KIF13A: variants seen among roughly 807,000 people sequenced by gnomAD.
KIF13A encodes the protein kinesin-like protein KIF13A.
In KIF13A, 79 loss-of-function variants were observed where a neutral mutation model predicts 212.2. The observed-to-expected ratio is 0.37, with a 90% CI of 0.31 to 0.45. KIF13A has a LOEUF of 0.45. KIF13A is among the 20% of genes least tolerant of loss of function. The pLI, the probability that KIF13A is intolerant of heterozygous loss-of-function variation, is 1.00. For missense variants in KIF13A, 1,901 were observed against 2,209.0 expected, an observed-to-expected ratio of 0.86 and a Z score of 2.79; for synonymous variants, 789 against 808.6, an observed-to-expected ratio of 0.98 and a Z score of 0.41.
intron 2 of KIF13A, among the ~76,000 whole-genome samples, chr6:17,945,974 C>T (rs539278281): frequency 1.3e-4 from 19 of 151,800 alleles, no homozygotes; most frequent in East Asian, 7.7e-4. Context: ...CTTGATGGGG[C>T]GAAATTAATC....
chr6:17,833,226 G>A (rs763591911), intron 12 of KIF13A, among the ~76,000 whole-genome samples: 46 of 152,014 alleles, frequency 3.0e-4, no homozygotes, highest in Admixed American at 3.3e-4. Flanking sequence ...GAGGCACAGT[G>A]GCTCATGCCT....
rs1397278992 is a variant in KIF13A, at chr6:17,838,947, G to A, written c.831-1364C>T. On this transcript the variant is annotated intron_variant, in intron 9 of 38. Transcript: ENST00000259711. This position sits in a 1 kb window ranked among gnomAD's most constrained non-coding sequence, Gnocchi z 4.2. ...AGATTCTCCTGCCTCAGCCTCCTGAGTAGCTGGGATTACAGGCGCCCGCCA... is the reference window on the plus strand; with the variant it reads ...AGATTCTCCTGCCTCAGCCTCCTGAATAGCTGGGATTACAGGCGCCCGCCA... Among the ~76,000 whole-genome samples, 3 of 152,168 alleles carry A rather than the reference G, an allele frequency of 2.0e-5. No individual in the cohort carries two copies. The highest frequency in any genetic ancestry group is 7.2e-5 in the African/African-American group (3 of 41,444).
At position 17,850,414 on chromosome 6, in the gene KIF13A, A is replaced by G; in HGVS notation, c.626T>C (p.Val209Ala). 1 of 1,613,848 alleles carries G rather than the reference A, an allele frequency of 6.2e-7. No homozygotes were observed. The highest frequency in any genetic ancestry group is 8.5e-7 in the Non-Finnish European group (1 of 1,179,828). ...TTCTTCGTTCATGTTGGTAGCAGCT[A>G]CCGTTCGAGACTTATTTCCCTCAGA... ...LMSEGNKSRTVAATNMNEESS... is the reference protein window; with the variant it reads ...LMSEGNKSRTAAATNMNEESS... The change falls in exon 8 of 39, where the codon GTA (valine) becomes GCA (alanine). Residue 209 changes from valine (V) to alanine (A), a missense_variant. By Grantham distance (64) the Val-to-Ala change is moderately conservative. Around this residue, in one of 5 missense-constraint regions of KIF13A, gnomAD observed 506 missense variants for 637.4 expected, o/e 0.79. Coordinates refer to ENST00000259711, the MANE Select transcript of KIF13A (RefSeq NM_022113.6). The surrounding 1 kb of genome is among the most constrained non-coding windows in gnomAD (Gnocchi z 6.2).
chr6:17,802,554 T>C (rs1333924077), intron 20 of KIF13A, among the ~76,000 whole-genome samples: 1 of 151,926 alleles, frequency 6.6e-6, no homozygotes, highest in Non-Finnish European at 1.5e-5. Context: ...CCTCCCAAAG[T>C]GCTGGGATTA....
At chr6:17,806,700 T>C (rs1299886337) in intron 18 of KIF13A, among the ~76,000 whole-genome samples, 4 of 152,228 alleles carry the variant, frequency 2.6e-5, no homozygotes, top group Non-Finnish European at 5.9e-5. Context: ...ACTAACATGG[T>C]GAAACCCTGC....
At chr6:17,822,576 G>A (rs1246634253) in intron 16 of KIF13A, among the ~76,000 whole-genome samples, 3 of 152,108 alleles carry the variant, frequency 2.0e-5, no homozygotes, top group East Asian at 3.9e-4. Context: ...CTGTGATCTC[G>A]GAGGGCTAAA....
rs1774425216 is a variant in KIF13A at position 17,915,615 on chromosome 6, T to G, written c.147-17435A>C. Among the ~76,000 whole-genome samples the G allele has an allele frequency of 2.0e-5, 3 of 152,256 alleles. No individual in the cohort carries two copies. The South Asian group carries it at 6.2e-4, about 32-fold the overall frequency. On this transcript the variant is annotated intron_variant, in intron 2 of 38. Coordinates refer to ENST00000259711, the MANE Select transcript of KIF13A (RefSeq NM_022113.6). The surrounding 1 kb of genome is among the most constrained non-coding windows in gnomAD (Gnocchi z 4.4). Reference sequence around the variant, plus strand: ...GCCTACTGATTCTGTAGGACATCACTGCAGAACCATGTAGTTTCAATGTCA... The same window carrying G: ...GCCTACTGATTCTGTAGGACATCACGGCAGAACCATGTAGTTTCAATGTCA...
Position 17,785,430 on chromosome 6 carries a change from A to G in KIF13A, c.3488+85T>C, listed in dbSNP as rs188252067. ...CAGCTGGTTGGCATTTTCTGTGACA[A>G]TCCTGGAAAGTCTCTTGCATGGCTC... is the stretch of plus-strand genomic sequence containing the variant. On this transcript the variant is annotated intron_variant, in intron 28 of 38. Coordinates refer to ENST00000259711, the MANE Select transcript of KIF13A (RefSeq NM_022113.6). This position sits in a 1 kb window ranked among gnomAD's most constrained non-coding sequence, Gnocchi z 5.8. The G allele has an allele frequency of 3.2e-5, 45 of 1,389,552 alleles. 1 individual carries two copies. The African/African-American group carries it at 6.0e-4, about 19-fold the overall frequency. The allele number at this position is 1,389,552 out of a possible 1,614,324, so 86.1% of individuals were successfully genotyped here. A position where few individuals can be genotyped will look rare whatever the true frequency, so the allele number is the denominator to read the frequency against.
At position 17,853,837 on chromosome 6, in the gene KIF13A, G is replaced by A. The variant is rs139363977; in HGVS notation, c.494+1600C>T. Among the ~76,000 whole-genome samples, 299 of 152,170 alleles carry A rather than the reference G, an allele frequency of 2.0e-3. 2 individuals are homozygous for A. Among genetic ancestry groups the A allele is most frequent in the Middle Eastern group, 0.014 (4 of 294 alleles). ...CACAATAGTAGTTACCTTGGGGAGG[G>A]GTAGAAAATGGATCCAAGGGGAACG... On this transcript the variant is annotated intron_variant, in intron 6 of 38. Transcript: ENST00000259711.
In KIF13A at chr6:17,777,522, A is replaced by G; in HGVS notation, c.4093-168T>C. On this transcript the variant is annotated intron_variant, in intron 33 of 38. Coordinates refer to ENST00000259711, the MANE Select transcript of KIF13A (RefSeq NM_022113.6). This position sits in a 1 kb window ranked among gnomAD's most constrained non-coding sequence, Gnocchi z 4.4. ...CAGTCTCCTGAGTAGCTGGGACTAC[A>G]GGTGCACGCCACCACACTCGGCTAA... 6.6e-6 allele frequency among the ~76,000 whole-genome samples: 1 copy of G among 151,936 alleles called. No individual in the cohort carries two copies. Among genetic ancestry groups the G allele is most frequent in the East Asian group, 1.9e-4 (1 of 5,184 alleles).
In KIF13A at chr6:17,883,870, T is replaced by C. The variant is rs1771303923; in HGVS notation, c.160-10433A>G. ...AGTTTGAGGCTGCAATGAGCTATGATCACACCTGTGAATAGCCACTGCACT... is the reference window on the plus strand; with the variant it reads ...AGTTTGAGGCTGCAATGAGCTATGACCACACCTGTGAATAGCCACTGCACT... On this transcript the variant is annotated intron_variant, in intron 3 of 38. Coordinates refer to ENST00000259711, the MANE Select transcript of KIF13A (RefSeq NM_022113.6). This position sits in a 1 kb window ranked among gnomAD's most constrained non-coding sequence, Gnocchi z 4.8. Among the ~76,000 whole-genome samples the C allele has an allele frequency of 6.6e-6, 1 of 151,556 alleles. No individual in the cohort carries two copies. Among genetic ancestry groups the C allele is most frequent in the South Asian group, 2.1e-4 (1 of 4,808 alleles).
At position 17,852,165 on chromosome 6, in the gene KIF13A, A is replaced by T. The variant is rs1767714866; in HGVS notation, c.495-123T>A. The T allele has an allele frequency of 4.5e-6, 2 of 448,238 alleles. No individual in the cohort carries two copies. The highest frequency in any genetic ancestry group is 2.0e-5 in the African/African-American group (1 of 49,086). The allele number at this position is 448,238 out of a possible 1,614,324, so 27.8% of individuals were successfully genotyped here. ...GAATTTTTAAATGACTCCTCCCCCC[A>T]ACAAATCTAAAAGCTACTTTATTTG... On this transcript the variant is annotated intron_variant, in intron 6 of 38. Coordinates refer to ENST00000259711, the MANE Select transcript of KIF13A (RefSeq NM_022113.6).
At chr6:17,805,155 C>T (rs549439752) in intron 19 of KIF13A, among the ~76,000 whole-genome samples, 2 of 152,030 alleles carry the variant, frequency 1.3e-5, no homozygotes, top group South Asian at 2.1e-4. Context: ...TTCACAGCAC[C>T]GATAAAATGG....
chr6:17,859,019 G>A (rs1283643840), intron 4 of KIF13A, among the ~76,000 whole-genome samples: 3 of 152,264 alleles, frequency 2.0e-5, no homozygotes, highest in South Asian at 2.1e-4. Context: ...ATCTATTCCT[G>A]TATCAGGTAG....
At chr6:17,869,868 G>T (rs1769841399) in intron 4 of KIF13A, among the ~76,000 whole-genome samples, 1 of 152,170 alleles carries the variant, frequency 6.6e-6, no homozygotes, top group Admixed American at 6.5e-5. Flanking sequence ...GTCCTGATCA[G>T]TATCAATGAT....
intron 38 of KIF13A, chr6:17,770,361 A>ATGTTTTTTTTTTTTT (rs1759379450): frequency 8.4e-6 from 1 of 119,446 alleles, no homozygotes; most frequent in Admixed American, 9.6e-5. Context: ...AATAAACAGG[A>ATGTTTTTTTTTTTTT]TTTTTTTTTT....
intron 23 of KIF13A, among the ~76,000 whole-genome samples, chr6:17,796,444 T>C (rs192749843): frequency 7.2e-5 from 11 of 151,966 alleles, no homozygotes; most frequent in Admixed American, 7.2e-4. Flanking sequence ...GGTTTCACCA[T>C]GTTGGTCAGG....
At chr6:17,841,257 G>A (rs1472512697) in intron 9 of KIF13A, among the ~76,000 whole-genome samples, 1 of 151,880 alleles carries the variant, frequency 6.6e-6, no homozygotes. Flanking sequence ...TAGAGAAGGG[G>A]CCTCACTTTG....
At chr6:17,827,266 CG>C (rs1446233611) in intron 14 of KIF13A, among the ~76,000 whole-genome samples, 1 of 150,864 alleles carries the variant, frequency 6.6e-6, no homozygotes, top group Non-Finnish European at 1.5e-5. Context: ...GCTCATTTTT[CG>C]TATTTTTTTG....
Sources: gnomAD v4.1 joint callset for allele counts (sites outside exome capture counted in the v4.1 genomes callset) on GRCh38, gnomAD v4.1.1 for gene constraint, gnomAD v4.1.1 regional missense constraint, Gnocchi (gnomAD v3.1) non-coding constraint, MANE v1.5 for transcripts, NCBI Gene and HGNC (gene_info 2026-07-23, HGNC 2026-07-21) for gene names.